Variants in FRMD4A observed in about 807,000 individuals in gnomAD.
FRMD4A encodes FERM domain-containing protein 4A.
Under a neutral mutation model 129.1 loss-of-function variants are expected in FRMD4A, and 29 were observed. The ratio of observed to expected loss-of-function variants is 0.22; its 90% confidence interval spans 0.17 to 0.31. FRMD4A has a LOEUF of 0.31. Among genes scored for constraint, FRMD4A ranks in the 10% least tolerant of loss-of-function variants. The probability of loss-of-function intolerance (pLI) is 1.00; values close to 1 mark genes in which losing one functional copy is unlikely to be tolerated. For missense variants in FRMD4A, 1,272 were observed against 1,375.8 expected, an observed-to-expected ratio of 0.92 and a Z score of 1.19; for synonymous variants, 634 against 571.6, an observed-to-expected ratio of 1.11 and a Z score of -1.56.
At chr10:14,127,784 C>T (rs1227614641) in intron 2 of FRMD4A, among the ~76,000 whole-genome samples, 1 of 152,084 alleles carries the variant, frequency 6.6e-6, no homozygotes, top group Non-Finnish European at 1.5e-5. Flanking sequence ...ACCTTTGGTC[C>T]ATCTCCTCCT....
In FRMD4A at chr10:13,654,399, A is replaced by C; in HGVS notation, c.3050+17T>G. The C allele has an allele frequency of 6.6e-7, 1 of 1,523,448 alleles. No homozygotes were observed. Among genetic ancestry groups the C allele is most frequent in the Non-Finnish European group, 9.1e-7 (1 of 1,097,006 alleles). 94.4% of individuals were successfully genotyped at this position (1,523,448 alleles called of 1,614,324 possible). On this transcript the variant is annotated intron_variant, in intron 23 of 24. Transcript: ENST00000357447. ...CTTTCGAGCTGACACAGTGAAGAAC[A>C]TAGAAGGAGAACTCACCCAGTCTGC...
intron 17 of FRMD4A, among the ~76,000 whole-genome samples, chr10:13,668,995 C>T (rs1251387143): frequency 6.6e-6 from 1 of 151,966 alleles, no homozygotes; most frequent in African/African-American, 2.4e-5. Flanking sequence ...CCCAGGGACA[C>T]CCCAAGAAGT....
chr10:13,777,791 A>ATTTTTTTTTTTTTTTTTT (rs34059772), intron 6 of FRMD4A, among the ~76,000 whole-genome samples: 1 of 85,964 alleles, frequency 1.2e-5, no homozygotes, highest in Admixed American at 1.7e-4. Flanking sequence ...CTTTGGGTCA[A>ATTTTTTTTTTTTTTTTTT]TTTTTTTTTT....
At chr10:14,111,045 A>T (rs1208834123) in intron 2 of FRMD4A, among the ~76,000 whole-genome samples, 1 of 152,226 alleles carries the variant, frequency 6.6e-6, no homozygotes, top group Non-Finnish European at 1.5e-5. Flanking sequence ...TTTTAAGTTC[A>T]GTAGTGTCAA....
At chr10:13,990,106 A>C (rs2095598117) in intron 2 of FRMD4A, among the ~76,000 whole-genome samples, 2 of 152,170 alleles carry the variant, frequency 1.3e-5, no homozygotes, top group Admixed American at 6.5e-5. Context: ...AAATGACTTA[A>C]TCTCTCTCTA....
chr10:14,065,387 G>A (rs1835007935), intron 2 of FRMD4A, among the ~76,000 whole-genome samples: 1 of 152,116 alleles, frequency 6.6e-6, no homozygotes, highest in South Asian at 2.1e-4. Flanking sequence ...GTTTCACCAT[G>A]TTCGCCAGGC....
intron 2 of FRMD4A, among the ~76,000 whole-genome samples, chr10:13,956,143 TTTTTTTTC>T (rs1299047294): frequency 2.6e-5 from 4 of 152,092 alleles, no homozygotes; most frequent in African/African-American, 7.2e-5. Flanking sequence ...GGTAGAATTC[TTTTTTTTC>T]TTTTTTTCTT....
chr10:14,162,560 T>C (rs1038033101), intron 2 of FRMD4A, among the ~76,000 whole-genome samples: 1 of 151,728 alleles, frequency 6.6e-6, no homozygotes, highest in African/African-American at 2.4e-5. Context: ...ACAGCTAAAT[T>C]AACCCGGTTA....
chr10:14,055,470 C>A (rs77062135), intron 2 of FRMD4A, among the ~76,000 whole-genome samples: 5,762 of 54,030 alleles, frequency 0.11, 149 homozygotes, highest in Admixed American at 0.16. Flanking sequence ...CAAACACACA[C>A]ACACACACAC....
chr10:14,192,778 T>A (rs1842356229), intron 2 of FRMD4A, among the ~76,000 whole-genome samples: 1 of 152,254 alleles, frequency 6.6e-6, no homozygotes. Context: ...TACTGAATTC[T>A]AAAACGTAAT....
chr10:13,974,321 A>T (rs1035938075), intron 2 of FRMD4A, among the ~76,000 whole-genome samples: 1 of 152,126 alleles, frequency 6.6e-6, no homozygotes, highest in African/African-American at 2.4e-5. Flanking sequence ...AGCTGCCCTG[A>T]TATCTTTACC....
chr10:14,279,089 G>A (rs912397953), intron 2 of FRMD4A, among the ~76,000 whole-genome samples: 24 of 151,834 alleles, frequency 1.6e-4, no homozygotes, highest in Non-Finnish European at 7.4e-5. Context: ...CAGTGAACCT[G>A]ATGGCCTTGA....
chr10:13,725,545 T>C (rs1398058660), intron 12 of FRMD4A, among the ~76,000 whole-genome samples: 1 of 152,210 alleles, frequency 6.6e-6, no homozygotes, highest in African/African-American at 2.4e-5. Context: ...TGCTTTTTTT[T>C]TTTCTGTTCA....
chr10:14,300,458 A>T (rs979668941), intron 2 of FRMD4A, among the ~76,000 whole-genome samples: 2 of 152,182 alleles, frequency 1.3e-5, no homozygotes, highest in African/African-American at 4.8e-5. Flanking sequence ...TTGTTTCTTA[A>T]GGCAATTTAG....
intron 2 of FRMD4A, among the ~76,000 whole-genome samples, chr10:14,151,408 C>A (rs1251321698): frequency 1.3e-5 from 2 of 152,126 alleles, no homozygotes; most frequent in Non-Finnish European, 2.9e-5. Flanking sequence ...TAACAGGAAG[C>A]ACAAAAGCAT....
chr10:14,307,117 TTTTC>T (rs1250808485), intron 2 of FRMD4A, among the ~76,000 whole-genome samples: 2 of 152,258 alleles, frequency 1.3e-5, no homozygotes, highest in African/African-American at 4.8e-5. Flanking sequence ...TGCTTATTAA[TTTTC>T]TTTGATTCAT....
chr10:13,883,965 T>C (rs1329815535), intron 2 of FRMD4A, among the ~76,000 whole-genome samples: 1 of 152,170 alleles, frequency 6.6e-6, no homozygotes, highest in Non-Finnish European at 1.5e-5. Context: ...TCTGACTTTA[T>C]TTAACATTTA....
At chr10:13,818,063 G>A (rs1190049422) in intron 3 of FRMD4A, among the ~76,000 whole-genome samples, 1 of 152,174 alleles carries the variant, frequency 6.6e-6, no homozygotes, top group East Asian at 1.9e-4. Context: ...GATGATCTTA[G>A]ACAAATTACG....
chr10:14,149,346 T>C (rs528874454), intron 2 of FRMD4A, among the ~76,000 whole-genome samples: 3 of 152,260 alleles, frequency 2.0e-5, no homozygotes, highest in South Asian at 2.1e-4. Context: ...TTTATTTATG[T>C]ATTTATTTTT....
Sources: allele counts gnomAD v4.1 joint callset (sites outside exome capture counted in the v4.1 genomes callset), GRCh38; gene constraint gnomAD v4.1.1; transcripts MANE v1.5; gene names NCBI Gene and HGNC (gene_info 2026-07-23, HGNC 2026-07-21).